Variants in CCDC178 observed in about 807,000 individuals in gnomAD.
CCDC178 encodes coiled-coil domain-containing protein 178.
A neutral mutation model predicts 117.4 loss-of-function variants in CCDC178; 126 were observed. The observed-to-expected ratio is 1.07, with a 90% CI of 0.93 to 1.24. CCDC178 has a LOEUF of 1.24. CCDC178 is among the 50% of genes most tolerant of loss of function. The pLI, the probability that CCDC178 is intolerant of heterozygous loss-of-function variation, is 0.00. For missense variants in CCDC178, 1,030 were observed against 986.9 expected (o/e 1.04, Z -0.59); for synonymous variants, 283 against 313.4 (o/e 0.90, Z 1.02).
At chr18:33,240,109 G>T (rs1256197830) in intron 15 of CCDC178, among the ~76,000 whole-genome samples, 1 of 151,644 alleles carries the variant, frequency 6.6e-6, no homozygotes, top group African/African-American at 2.4e-5. Flanking sequence ...ACAAATGCAT[G>T]GCATTTAAAC....
At chr18:33,071,882 C>T (rs271514) in intron 21 of CCDC178, among the ~76,000 whole-genome samples, 21,632 of 151,836 alleles carry the variant, frequency 0.14, 2,390 homozygotes, top group African/African-American at 0.31. Flanking sequence ...TAGGTAATTA[C>T]AAATATTAGT....
chr18:33,091,767 A>G (rs1308728236), intron 21 of CCDC178, among the ~76,000 whole-genome samples: 1 of 152,154 alleles, frequency 6.6e-6, no homozygotes, highest in African/African-American at 2.4e-5. Context: ...ATAATTACTT[A>G]CAGTCGTATA....
rs1346798846 is a variant in CCDC178 at position 33,179,088 on chromosome 18, T to A, written c.2238+32808A>T. Among the ~76,000 whole-genome samples the A allele has an allele frequency of 2.2e-3, 218 of 96,964 alleles. 19 individuals carry two copies. The highest frequency in any genetic ancestry group is 0.011 in the African/African-American group (190 of 16,896). 63.6% of individuals were successfully genotyped at this position (96,964 alleles called of 152,430 possible). On this transcript the variant is annotated intron_variant, in intron 20 of 22. Coordinates refer to ENST00000383096, the MANE Select transcript of CCDC178 (RefSeq NM_001105528.4). ...AAAAAAAAAAAAAAAAATATATATATATATATATATATATATATATAAACT... is the reference window on the plus strand; with the variant it reads ...AAAAAAAAAAAAAAAAATATATATAAATATATATATATATATATATAAACT...
At chr18:33,195,593 C>T (rs2058921106) in intron 20 of CCDC178, among the ~76,000 whole-genome samples, 1 of 152,150 alleles carries the variant, frequency 6.6e-6, no homozygotes, top group Admixed American at 6.5e-5. Flanking sequence ...TCTTACCATT[C>T]AGATGCATGG....
At chr18:33,262,319 A>G (rs980731376) in intron 14 of CCDC178, among the ~76,000 whole-genome samples, 1 of 152,214 alleles carries the variant, frequency 6.6e-6, no homozygotes, top group Non-Finnish European at 1.5e-5. Context: ...CCAGATACTT[A>G]CATTTGTATT....
At chr18:33,139,172 T>C (rs2058166285) in intron 20 of CCDC178, among the ~76,000 whole-genome samples, 1 of 152,202 alleles carries the variant, frequency 6.6e-6, no homozygotes, top group African/African-American at 2.4e-5. Flanking sequence ...CATGACTTGC[T>C]CCTCCTTGCC....
At chr18:33,118,961 A>G (rs1228288415) in intron 20 of CCDC178, among the ~76,000 whole-genome samples, 2 of 152,110 alleles carry the variant, frequency 1.3e-5, no homozygotes, top group African/African-American at 2.4e-5. Flanking sequence ...TTAATAAATG[A>G]TGCTGGGAAA....
intron 12 of CCDC178, among the ~76,000 whole-genome samples, chr18:33,275,658 G>A (rs1412834125): frequency 3.7e-5 from 4 of 107,828 alleles, no homozygotes; most frequent in East Asian, 7.4e-4. Context: ...AAAGGGGAGG[G>A]GAGGGGGGAG....
intron 21 of CCDC178, among the ~76,000 whole-genome samples, chr18:33,032,115 A>C (rs561301092): frequency 1.6e-4 from 24 of 152,278 alleles, no homozygotes; most frequent in African/African-American, 5.8e-4. Context: ...ACAAGGAGGC[A>C]TAATGTAGGC....
chr18:33,147,108 A>G (rs1345033648), intron 20 of CCDC178, among the ~76,000 whole-genome samples: 1 of 151,422 alleles, frequency 6.6e-6, no homozygotes, highest in African/African-American at 2.4e-5. Flanking sequence ...CTAATCCCAG[A>G]GAGCACATTA....
chr18:33,248,512 G>C (rs900531385), intron 14 of CCDC178, among the ~76,000 whole-genome samples: 2 of 149,846 alleles, frequency 1.3e-5, no homozygotes, highest in African/African-American at 4.9e-5. Flanking sequence ...GTGAGAACAT[G>C]TGGTGTTTGG....
At chr18:33,022,072 A>G (rs1598798158) in intron 21 of CCDC178, among the ~76,000 whole-genome samples, 2 of 152,222 alleles carry the variant, frequency 1.3e-5, no homozygotes, top group Non-Finnish European at 2.9e-5. Flanking sequence ...TTAATGACAT[A>G]CCATCCATAT....
At chr18:32,990,976 A>C (rs1186378353) in intron 21 of CCDC178, among the ~76,000 whole-genome samples, 1 of 151,584 alleles carries the variant, frequency 6.6e-6, no homozygotes, top group African/African-American at 2.4e-5. Context: ...TATATCAATT[A>C]TATTATGAGT....
intron 20 of CCDC178, among the ~76,000 whole-genome samples, chr18:33,159,386 T>C (rs946430774): frequency 7.9e-5 from 12 of 152,108 alleles, no homozygotes; most frequent in Non-Finnish European, 1.6e-4. Flanking sequence ...GTGGCTCCAA[T>C]CAATACAAAT....
chr18:33,240,288 T>C (rs2059472610), intron 15 of CCDC178, among the ~76,000 whole-genome samples: 1 of 151,372 alleles, frequency 6.6e-6, no homozygotes, highest in Non-Finnish European at 1.5e-5. Flanking sequence ...TTAGAAAGAT[T>C]TGAAATAAAA....
At chr18:33,378,081 G>A (rs1448207640) in intron 5 of CCDC178, among the ~76,000 whole-genome samples, 2 of 152,142 alleles carry the variant, frequency 1.3e-5, no homozygotes, top group South Asian at 2.1e-4. Context: ...CCATGAGCAC[G>A]GAATATTTTT....
At chr18:33,019,385 G>T (rs1037593874) in intron 21 of CCDC178, among the ~76,000 whole-genome samples, 1 of 152,102 alleles carries the variant, frequency 6.6e-6, no homozygotes, top group Admixed American at 6.5e-5. Flanking sequence ...CTGCCATATG[G>T]AAAACCCAGT....
rs550103770 is a variant in CCDC178, at chr18:33,267,142, G to A, written c.1272+60C>T. ...AATGAAATCACTTTTAGATATATGA[G>A]TTAATATTTGGAAATAGAAAATGGC... On this transcript the variant is annotated intron_variant, in intron 13 of 22. Transcript: ENST00000383096. 6 of 1,525,706 alleles carry A rather than the reference G, an allele frequency of 3.9e-6. No individual in the cohort carries two copies. In the South Asian group the frequency reaches 6.2e-5, roughly 16 times the overall value. 94.5% of individuals were successfully genotyped at this position (1,525,706 alleles called of 1,614,324 possible).
chr18:33,169,549 A>G (rs1208112715), intron 20 of CCDC178, among the ~76,000 whole-genome samples: 4 of 152,164 alleles, frequency 2.6e-5, no homozygotes, highest in African/African-American at 4.8e-5. Context: ...AAGTTGACAG[A>G]AATAATAAAT....
Sources: gnomAD v4.1 joint callset for allele counts (sites outside exome capture counted in the v4.1 genomes callset) on GRCh38, gnomAD v4.1.1 for gene constraint, MANE v1.5 for transcripts, NCBI Gene and HGNC (gene_info 2026-07-23, HGNC 2026-07-21) for gene names.